Variants in RBFOX3 observed in about 807,000 individuals in gnomAD.
RBFOX3 encodes RNA binding fox-1 homolog 3.
A neutral mutation model predicts 48.7 loss-of-function variants in RBFOX3; 17 were observed. The observed-to-expected ratio is 0.35, with a 90% CI of 0.24 to 0.52. The LOEUF (loss-of-function observed/expected upper bound fraction) is 0.52, where lower values mean the gene tolerates loss of function less well. Among genes scored for constraint, RBFOX3 ranks in the 20% least tolerant of loss-of-function variants. The pLI is 0.94. For missense variants in RBFOX3, 382 were observed against 497.5 expected, an observed-to-expected ratio of 0.77 and a Z score of 2.21; for synonymous variants, 212 against 209.5, an observed-to-expected ratio of 1.01 and a Z score of -0.10.
At chr17:79,271,511 C>T (rs111338530) in intron 3 of RBFOX3, among the ~76,000 whole-genome samples, 3,803 of 152,270 alleles carry the variant, frequency 0.025, 163 homozygotes, top group African/African-American at 0.082. Flanking sequence ...TCCTTCTCCC[C>T]GGGCAGGGCT....
rs893684388 is a variant in RBFOX3 at position 79,199,085 on chromosome 17, C to T, written c.-34+36681G>A. On this transcript the variant is annotated intron_variant, in intron 4 of 14. Coordinates refer to ENST00000693108, the MANE Select transcript of RBFOX3 (RefSeq NM_001350451.2). This position sits in a 1 kb window ranked among gnomAD's most constrained non-coding sequence, Gnocchi z 5.1. Reference sequence around the variant, plus strand: ...TTTTTAGGGAGAGAGGGAGGAGACCCAGAAAACAGTGGGAAGCAAGTGGGG... The same window carrying T: ...TTTTTAGGGAGAGAGGGAGGAGACCTAGAAAACAGTGGGAAGCAAGTGGGG... Among the ~76,000 whole-genome samples the T allele has an allele frequency of 4.6e-5, 7 of 152,116 alleles. No homozygotes were observed. The highest frequency in any genetic ancestry group is 3.3e-4 in the Admixed American group (5 of 15,278).
chr17:79,415,283 CT>C (rs2065145890), intron 2 of RBFOX3, among the ~76,000 whole-genome samples: 1 of 152,250 alleles, frequency 6.6e-6, no homozygotes, highest in Non-Finnish European at 1.5e-5. Context: ...AGACTCTCAC[CT>C]TTAGGAGGCT....
At chr17:79,581,920 G>A (rs1187939823) in intron 1 of RBFOX3, among the ~76,000 whole-genome samples, 1 of 152,350 alleles carries the variant, frequency 6.6e-6, no homozygotes, top group Non-Finnish European at 1.5e-5. Flanking sequence ...CTCCCCTCAC[G>A]CCTGTGTGTG....
At position 79,090,724 on chromosome 17, in the gene RBFOX3, A is replaced by C. The variant is rs62063826; in HGVS notation, c.*159T>G. On this transcript the variant is annotated 3_prime_UTR_variant, in exon 15 of 15. Transcript: ENST00000693108. ...GCTCCCTCGGTGCGGGCGTGTGGCC[A>C]GGACGCGGGACTTGGACTTGGTTGG... The C allele has an allele frequency of 1.1e-6, 1 of 915,868 alleles. No homozygotes were observed. The highest frequency in any genetic ancestry group is 1.6e-6 in the Non-Finnish European group (1 of 616,654). 56.7% of individuals were successfully genotyped at this position (915,868 alleles called of 1,614,324 possible).
At chr17:79,339,014 T>C (rs1224026705) in intron 2 of RBFOX3, among the ~76,000 whole-genome samples, 1 of 152,094 alleles carries the variant, frequency 6.6e-6, no homozygotes, top group African/African-American at 2.4e-5. Context: ...TTCTGGGGAA[T>C]AGAAAATCTA....
Position 79,236,496 on chromosome 17 carries a change from G to T in RBFOX3, c.-73-691C>A, listed in dbSNP as rs112172307. Among the ~76,000 whole-genome samples, 1,224 of 152,184 alleles carry T rather than the reference G, an allele frequency of 8.0e-3. 14 individuals are homozygous for T. The highest frequency in any genetic ancestry group is 0.062 in the East Asian group (323 of 5,190). ...GTAGAGACGGGGGTCTCGCCATGTT[G>T]CCCAGGGTGGTCTCAACCTCCTGAG... On this transcript the variant is annotated intron_variant, in intron 3 of 14. Coordinates refer to ENST00000693108, the MANE Select transcript of RBFOX3 (RefSeq NM_001350451.2).
upstream of RBFOX3, among the ~76,000 whole-genome samples, chr17:79,611,130 T>TTCTCTCTCTCTCTC (rs1173570495): frequency 1.8e-3 from 68 of 37,810 alleles, 12 homozygotes; most frequent in African/African-American, 0.012. Flanking sequence ...TCCGCCCTCC[T>TTCTCTCTCTCTCTC]TCTCTCTCTC....
At chr17:79,483,599 G>GT (rs2079099224) in intron 1 of RBFOX3, among the ~76,000 whole-genome samples, 1 of 149,708 alleles carries the variant, frequency 6.7e-6, no homozygotes, top group Admixed American at 6.7e-5. Context: ...TCCCCCCAGG[G>GT]ACTTAGCACA....
intron 1 of RBFOX3, among the ~76,000 whole-genome samples, chr17:79,575,464 G>T (rs1229350891): frequency 1.3e-5 from 2 of 152,136 alleles, no homozygotes; most frequent in Non-Finnish European, 2.9e-5. Flanking sequence ...GCTGGGGGAC[G>T]GACCTCATGC....
intron 2 of RBFOX3, among the ~76,000 whole-genome samples, chr17:79,341,054 A>T (rs1007492554): frequency 6.6e-6 from 1 of 152,266 alleles, no homozygotes; most frequent in Admixed American, 6.5e-5. Context: ...CAAAACAGTC[A>T]TCTGAAGAAA....
intron 2 of RBFOX3, among the ~76,000 whole-genome samples, chr17:79,344,495 A>G (rs2082571623): frequency 6.6e-6 from 1 of 152,026 alleles, no homozygotes; most frequent in African/African-American, 2.4e-5. Context: ...TGGGCTTCTC[A>G]ATCATTTTCC....
At chr17:79,287,458 A>C (rs1256247515) in intron 3 of RBFOX3, among the ~76,000 whole-genome samples, 1 of 152,154 alleles carries the variant, frequency 6.6e-6, no homozygotes, top group Admixed American at 6.5e-5. Context: ...GGGTTGTCAC[A>C]TACGCCTTGA....
At chr17:79,442,808 CAGA>C (rs2071421064) in intron 2 of RBFOX3, among the ~76,000 whole-genome samples, 1 of 152,130 alleles carries the variant, frequency 6.6e-6, no homozygotes, top group African/African-American at 2.4e-5. Context: ...GGACACCTCC[CAGA>C]AGAACCCCTC....
At chr17:79,424,579 A>G (rs540387289) in intron 2 of RBFOX3, among the ~76,000 whole-genome samples, 54 of 152,162 alleles carry the variant, frequency 3.5e-4, no homozygotes, top group African/African-American at 1.3e-3. Context: ...GGTGGTGCCC[A>G]CTGAGTCTCC....
chr17:79,208,374 A>C (rs569447268), intron 4 of RBFOX3: 1 of 152,464 alleles, frequency 6.6e-6, no homozygotes, highest in South Asian at 2.1e-4. Context: ...TCGGCCCTCC[A>C]AGCAGTCCGG....
At chr17:79,508,066 A>G (rs1052147914) in intron 1 of RBFOX3, among the ~76,000 whole-genome samples, 2 of 152,226 alleles carry the variant, frequency 1.3e-5, no homozygotes, top group Non-Finnish European at 2.9e-5. Flanking sequence ...CCTCAATGGG[A>G]CCGATTTGTA....
At chr17:79,263,980 G>C (rs944014308) in intron 3 of RBFOX3, among the ~76,000 whole-genome samples, 1 of 152,042 alleles carries the variant, frequency 6.6e-6, no homozygotes, top group Non-Finnish European at 1.5e-5. Flanking sequence ...AGAAGGGCTC[G>C]TGGAACCAGA....
rs769546501 is a variant in RBFOX3 at position 79,477,094 on chromosome 17, G to A, written c.-175+5360C>T. On this transcript the variant is annotated intron_variant, in intron 2 of 14. Coordinates refer to ENST00000693108, the MANE Select transcript of RBFOX3 (RefSeq NM_001350451.2). This position sits in a 1 kb window ranked among gnomAD's most constrained non-coding sequence, Gnocchi z 4.8. ...CTAAAAATACAAAAATTAGCCAGGC[G>A]TGGTGGTGGGCGCCTGTAATCCCAG... is the stretch of plus-strand genomic sequence containing the variant. Among the ~76,000 whole-genome samples the A allele has an allele frequency of 8.7e-4, 132 of 151,448 alleles. No individual in the cohort carries two copies. The highest frequency in any genetic ancestry group is 2.6e-3 in the African/African-American group (109 of 41,256).
At chr17:79,173,007 G>C (rs1174024271) in intron 4 of RBFOX3, among the ~76,000 whole-genome samples, 1 of 152,152 alleles carries the variant, frequency 6.6e-6, no homozygotes, top group Non-Finnish European at 1.5e-5. Context: ...TCAGGAGTTT[G>C]ACACCAGCCT....
Sources: gnomAD v4.1 joint callset for allele counts (sites outside exome capture counted in the v4.1 genomes callset) on GRCh38, gnomAD v4.1.1 for gene constraint, Gnocchi (gnomAD v3.1) non-coding constraint, MANE v1.5 for transcripts, NCBI Gene and HGNC (gene_info 2026-07-23, HGNC 2026-07-21) for gene names.